RSRC1: variants seen among roughly 807,000 people sequenced by gnomAD.
The protein encoded by RSRC1 is arginine and serine rich coiled-coil 1, also known as serine/Arginine-related protein 53.
RSRC1 carries 39 observed loss-of-function variants against 49.1 expected under a neutral mutation model. The observed-to-expected ratio is 0.79, with a 90% CI of 0.61 to 1.04. RSRC1 has a LOEUF of 1.04. Ranked by LOEUF, RSRC1 falls within the 50% of genes least tolerant of loss-of-function variation. The pLI is 0.00. For synonymous variants in RSRC1, 143 were observed against 130.8 expected, an observed-to-expected ratio of 1.09 and a Z score of -0.63; for missense variants, 388 against 402.4, an observed-to-expected ratio of 0.96 and a Z score of 0.31.
At chr3:158,180,048 CTTGTT>C (rs1220316851) in intron 3 of RSRC1, among the ~76,000 whole-genome samples, 2 of 152,036 alleles carry the variant, frequency 1.3e-5, no homozygotes, top group Non-Finnish European at 2.9e-5. Context: ...AATATGTTAA[CTTGTT>C]TTGTCCTTTT....
chr3:158,437,637 A>G (rs960828942), intron 6 of RSRC1, among the ~76,000 whole-genome samples: 10 of 152,172 alleles, frequency 6.6e-5, no homozygotes, highest in Non-Finnish European at 1.3e-4. Context: ...CACTCTCAGT[A>G]CACTAGGTAT....
intron 5 of RSRC1, among the ~76,000 whole-genome samples, chr3:158,316,938 G>A (rs1200126601): frequency 6.6e-6 from 1 of 152,110 alleles, no homozygotes; most frequent in Non-Finnish European, 1.5e-5. Context: ...ATTATTTAGT[G>A]CAAATACCTT....
rs537700474 is a variant in RSRC1, at chr3:158,438,869, G to A, written c.584-22066G>A. ...CTGCACAGCAAAAGAAACTACTATC[G>A]GAGTGACAGGCAACCTACAGAATAG... On this transcript the variant is annotated intron_variant, in intron 6 of 9. Transcript: ENST00000611884. Among the ~76,000 whole-genome samples the A allele has an allele frequency of 2.3e-3, 250 of 109,294 alleles. 1 individual carries two copies. The highest frequency in any genetic ancestry group is 9.1e-3 in the African/African-American group (238 of 26,160). 71.7% of individuals were successfully genotyped at this position (109,294 alleles called of 152,430 possible). A position where few individuals can be genotyped will look rare whatever the true frequency, so the allele number is the denominator to read the frequency against.
At chr3:158,242,600 T>C (rs1415488907) in intron 4 of RSRC1, among the ~76,000 whole-genome samples, 3 of 152,174 alleles carry the variant, frequency 2.0e-5, no homozygotes, top group African/African-American at 7.2e-5. Context: ...GTATTTCTGG[T>C]TCTAGGTCTT....
intron 3 of RSRC1, among the ~76,000 whole-genome samples, chr3:158,181,878 G>A (rs1364352662): frequency 6.6e-6 from 1 of 152,144 alleles, no homozygotes; most frequent in Non-Finnish European, 1.5e-5. Flanking sequence ...AAATATTTGA[G>A]TGCATTTTTT....
chr3:158,200,716 A>G (rs895711998), intron 3 of RSRC1, among the ~76,000 whole-genome samples: 7 of 152,096 alleles, frequency 4.6e-5, no homozygotes, highest in Admixed American at 2.0e-4. Flanking sequence ...CAGTGTACTT[A>G]AAGTTATTAT....
intron 7 of RSRC1, among the ~76,000 whole-genome samples, chr3:158,497,988 G>A (rs1739427232): frequency 6.6e-6 from 1 of 152,088 alleles, no homozygotes; most frequent in Admixed American, 6.6e-5. Flanking sequence ...ATTTGAGTTG[G>A]TTTCACGATT....
rs541185617 is a variant in RSRC1 at position 158,187,912 on chromosome 3, G to A, written c.321-15160G>A. On this transcript the variant is annotated intron_variant, in intron 3 of 9. Coordinates refer to ENST00000611884, the MANE Select transcript of RSRC1 (RefSeq NM_001271838.2). ...TTTTTATGGTGAGTTTCAAATAACA[G>A]ATATATAAATGAAGGTTCAAATAAT... is the stretch of plus-strand genomic sequence containing the variant. Among the ~76,000 whole-genome samples the A allele has an allele frequency of 3.3e-4, 50 of 152,030 alleles. 1 individual carries two copies. The highest frequency in any genetic ancestry group is 2.0e-3 in the Admixed American group (30 of 15,218).
chr3:158,263,185 G>A (rs827109), intron 4 of RSRC1, among the ~76,000 whole-genome samples: 72,394 of 151,910 alleles, frequency 0.48, 17,813 homozygotes, highest in East Asian at 0.64. Context: ...CTTTTGACAG[G>A]TTGGGGAAGT....
chr3:158,292,996 T>C (rs1282797204), intron 4 of RSRC1, among the ~76,000 whole-genome samples: 1 of 152,136 alleles, frequency 6.6e-6, no homozygotes, highest in East Asian at 1.9e-4. Context: ...TACTGTTTTG[T>C]GTTGTATTTA....
At chr3:158,238,466 A>C (rs1723367493) in intron 4 of RSRC1, among the ~76,000 whole-genome samples, 1 of 152,180 alleles carries the variant, frequency 6.6e-6, no homozygotes, top group Middle Eastern at 3.2e-3. Flanking sequence ...ACTTCAAACT[A>C]TACTACAAGG....
intron 6 of RSRC1, among the ~76,000 whole-genome samples, chr3:158,421,022 GT>G (rs1054179010): frequency 6.6e-6 from 1 of 151,634 alleles, no homozygotes; most frequent in East Asian, 1.9e-4. Context: ...ATATTCATTC[GT>G]TTTTTTTCTT....
intron 4 of RSRC1, among the ~76,000 whole-genome samples, chr3:158,259,141 A>G (rs1423856144): frequency 6.6e-6 from 1 of 151,964 alleles, no homozygotes; most frequent in Non-Finnish European, 1.5e-5. Flanking sequence ...GGGCATTGAA[A>G]TGTTTATAGG....
chr3:158,114,401 C>A (rs112125303), intron 1 of RSRC1, among the ~76,000 whole-genome samples: 134 of 152,204 alleles, frequency 8.8e-4, no homozygotes, highest in Non-Finnish European at 1.6e-3. Context: ...CTACTGTAGC[C>A]TGGTAGTATA....
chr3:158,444,978 G>A (rs1736612157), intron 6 of RSRC1, among the ~76,000 whole-genome samples: 1 of 152,082 alleles, frequency 6.6e-6, no homozygotes, highest in South Asian at 2.1e-4. Flanking sequence ...CAGTTAGAAT[G>A]GCAATCATTA....
rs1553814781 is a variant in RSRC1, at chr3:158,487,949, G to GGAAAAAAAAAAAAA, written c.652+26946_652+26947insGAAAAAAAAAAAAA. 3.1e-3 allele frequency among the ~76,000 whole-genome samples: 90 copies of GGAAAAAAAAAAAAA among 28,896 alleles called. 19 individuals carry two copies. Among genetic ancestry groups the GGAAAAAAAAAAAAA allele is most frequent in the African/African-American group, 0.011 (80 of 7,464 alleles). The allele number at this position is 28,896 out of a possible 152,430, so 19.0% of individuals were successfully genotyped here. A position where few individuals can be genotyped will look rare whatever the true frequency, so the allele number is the denominator to read the frequency against. On this transcript the variant is annotated intron_variant, in intron 7 of 9. Coordinates refer to ENST00000611884, the MANE Select transcript of RSRC1 (RefSeq NM_001271838.2). ...TAGGAGACAAGAGACTCCATCTCAA[G>GGAAAAAAAAAAAAA]AAAAAAAAAAAAAAAAAAAAAAAAA... is the stretch of plus-strand genomic sequence containing the variant.
intron 5 of RSRC1, among the ~76,000 whole-genome samples, chr3:158,352,487 ATCTT>A (rs1730930627): frequency 6.6e-6 from 1 of 152,142 alleles, no homozygotes; most frequent in South Asian, 2.1e-4. Flanking sequence ...TGTTAAAAAA[ATCTT>A]TCCTTATGAA....
At chr3:158,181,794 T>G (rs1449855483) in intron 3 of RSRC1, among the ~76,000 whole-genome samples, 2 of 152,148 alleles carry the variant, frequency 1.3e-5, no homozygotes, top group African/African-American at 4.8e-5. Flanking sequence ...TATTAAATAA[T>G]TATGTAGATT....
rs546013411 is a variant in RSRC1 at position 158,153,337 on chromosome 3, C to A, written c.320+29346C>A. On this transcript the variant is annotated intron_variant, in intron 3 of 9. Coordinates refer to ENST00000611884, the MANE Select transcript of RSRC1 (RefSeq NM_001271838.2). ...TAGAGTTGCCAGTAGAGGCAATTCC[C>A]ACCCCCCTATTTATTGGTTATTTTC... Among the ~76,000 whole-genome samples, 17 of 152,200 alleles carry A rather than the reference C, an allele frequency of 1.1e-4. No homozygotes were observed. In the South Asian group the frequency reaches 3.5e-3, roughly 32 times the overall value.
Sources: gnomAD v4.1 joint callset for allele counts (sites outside exome capture counted in the v4.1 genomes callset) on GRCh38, gnomAD v4.1.1 for gene constraint, MANE v1.5 for transcripts, NCBI Gene and HGNC (gene_info 2026-07-23, HGNC 2026-07-21) for gene names.